The following BCL11A variants were observed in gnomAD, a reference collection of about 807,000 sequenced individuals.
The protein encoded by BCL11A is BCL11 transcription factor A.
In BCL11A, 2 loss-of-function variants were observed where a neutral mutation model predicts 55.9. That is an observed-to-expected ratio of 0.04 (90% CI 0.01 to 0.11). The LOEUF is 0.11. BCL11A is among the 10% of genes least tolerant of loss of function. BCL11A has a pLI of 1.00. For missense variants in BCL11A, 817 were observed against 1,137.1 expected (o/e 0.72, Z 4.05); for synonymous variants, 465 against 473.4 (o/e 0.98, Z 0.23).
At chr2:60,532,009 C>T (rs1669477790) in intron 2 of BCL11A, among the ~76,000 whole-genome samples, 1 of 152,184 alleles carries the variant, frequency 6.6e-6, no homozygotes, top group African/African-American at 2.4e-5. Context: ...TGCCACACCG[C>T]CGGGCCCCTG....
intron 2 of BCL11A, among the ~76,000 whole-genome samples, chr2:60,482,098 G>A (rs1484104716): frequency 6.6e-6 from 1 of 152,218 alleles, no homozygotes; most frequent in Non-Finnish European, 1.5e-5. Flanking sequence ...AGGCAGACCT[G>A]TTAAGGGGCG....
intron 2 of BCL11A, among the ~76,000 whole-genome samples, chr2:60,475,162 A>G (rs927263318): frequency 6.6e-6 from 1 of 152,250 alleles, no homozygotes; most frequent in Admixed American, 6.5e-5. Context: ...ACATCAAAAT[A>G]TTGCACACTG....
intron 2 of BCL11A, among the ~76,000 whole-genome samples, chr2:60,498,993 T>C (rs574577637): frequency 1.2e-3 from 185 of 152,154 alleles, no homozygotes; most frequent in African/African-American, 4.0e-3. Context: ...AGGGCCAGTG[T>C]TTCTTCTTCA....
At chr2:60,547,744 G>T (rs1488564233) in intron 1 of BCL11A, among the ~76,000 whole-genome samples, 2 of 152,142 alleles carry the variant, frequency 1.3e-5, no homozygotes, top group Non-Finnish European at 2.9e-5. Flanking sequence ...GTGAACTCAG[G>T]TTAAATTTAT....
intron 2 of BCL11A, among the ~76,000 whole-genome samples, chr2:60,511,980 A>G (rs1426974415): frequency 6.6e-6 from 1 of 152,206 alleles, no homozygotes; most frequent in Non-Finnish European, 1.5e-5. Context: ...AAGAAAGGGA[A>G]CCAGCTCATG....
At chr2:60,530,542 G>T (rs956695405) in intron 2 of BCL11A, among the ~76,000 whole-genome samples, 1 of 151,314 alleles carries the variant, frequency 6.6e-6, no homozygotes, top group Non-Finnish European at 1.5e-5. Context: ...CGCATATGTA[G>T]CCAAAAGACT....
downstream of BCL11A, among the ~76,000 whole-genome samples, chr2:60,456,767 T>A (rs971539050): frequency 3.3e-5 from 5 of 152,174 alleles, no homozygotes; most frequent in Non-Finnish European, 7.4e-5. Context: ...TTTAAAAAAA[T>A]CTTTTTTACA....
intron 2 of BCL11A, chr2:60,542,017 C>A: frequency 1.5e-6 from 1 of 645,644 alleles, no homozygotes; most frequent in Non-Finnish European, 2.8e-6. Context: ...CTTTTAAGAG[C>A]ATGCTAATGT....
chr2:60,472,014 C>G (rs932821702), intron 2 of BCL11A, among the ~76,000 whole-genome samples: 1 of 152,148 alleles, frequency 6.6e-6, no homozygotes, highest in African/African-American at 2.4e-5. Flanking sequence ...GGGCAGAGAC[C>G]CATGGGCCAT....
chr2:60,552,421 TCGGCGGCGG>T (rs886675800), intron 1 of BCL11A, among the ~76,000 whole-genome samples: 1 of 151,510 alleles, frequency 6.6e-6, no homozygotes, highest in African/African-American at 2.4e-5. Flanking sequence ...CTCCTGCCCT[TCGGCGGCGG>T]CGGCGGCGGC....
chr2:60,484,963 TAAA>T (rs542222101), intron 2 of BCL11A, among the ~76,000 whole-genome samples: 19 of 110,040 alleles, frequency 1.7e-4, no homozygotes, highest in African/African-American at 4.8e-4. Context: ...GTTTAGGACT[TAAA>T]AAAAAAAAAA....
chr2:60,534,709 G>A (rs1001875468), intron 2 of BCL11A: 2 of 152,196 alleles, frequency 1.3e-5, no homozygotes, highest in Admixed American at 1.3e-4. Flanking sequence ...ATTCACTAAA[G>A]GAAACTTGGC....
chr2:60,472,189 G>C (rs780459656), intron 2 of BCL11A, among the ~76,000 whole-genome samples: 3 of 152,208 alleles, frequency 2.0e-5, no homozygotes, highest in African/African-American at 7.2e-5. Flanking sequence ...CTCTCCATCA[G>C]GTCCAGGGCC....
chr2:60,477,745 G>C (rs1677699247), intron 2 of BCL11A, among the ~76,000 whole-genome samples: 1 of 152,162 alleles, frequency 6.6e-6, no homozygotes, highest in East Asian at 1.9e-4. Context: ...GCAAGTGTGG[G>C]CAGCCCCAGC....
At chr2:60,504,864 C>G (rs1210565133) in intron 2 of BCL11A, among the ~76,000 whole-genome samples, 1 of 152,202 alleles carries the variant, frequency 6.6e-6, no homozygotes, top group African/African-American at 2.4e-5. Flanking sequence ...GCGCCCACCA[C>G]TAGCTTCCTT....
At chr2:60,549,506 G>T (rs915324328) in intron 1 of BCL11A, among the ~76,000 whole-genome samples, 1 of 152,242 alleles carries the variant, frequency 6.6e-6, no homozygotes, top group Non-Finnish European at 1.5e-5. Context: ...AGGGTGGACC[G>T]TGCAGAAAGT....
chr2:60,501,476 A>C (rs563560516), intron 2 of BCL11A, among the ~76,000 whole-genome samples: 4 of 150,856 alleles, frequency 2.7e-5, no homozygotes, highest in Middle Eastern at 7.1e-3. Context: ...CAAGAGGGAA[A>C]GGCCTTTTGC....
At chr2:60,451,373 C>A (rs1675717056) in exon 5 of BCL11A, 1 of 228,206 alleles carries the variant, frequency 4.4e-6, no homozygotes, top group African/African-American at 2.2e-5. Flanking sequence ...TATGTTGTTT[C>A]TAATTCTCTT....
chr2:60,533,416 T>C (rs1329113248), intron 2 of BCL11A: 3 of 152,244 alleles, frequency 2.0e-5, no homozygotes, highest in Non-Finnish European at 4.4e-5. Context: ...GGCTTCCATA[T>C]GTCACAAAGA....
Sources: allele counts gnomAD v4.1 joint callset (sites outside exome capture counted in the v4.1 genomes callset), GRCh38; gene constraint gnomAD v4.1.1; transcripts MANE v1.5; gene names NCBI Gene and HGNC (gene_info 2026-07-23, HGNC 2026-07-21).